Variants in CUBN observed in about 807,000 individuals in gnomAD.
CUBN encodes the protein 460 kDa receptor.
A neutral mutation model predicts 405.3 loss-of-function variants in CUBN; 282 were observed. The observed-to-expected ratio is 0.70, with a 90% CI of 0.63 to 0.77. CUBN has a LOEUF of 0.77. Ranked by LOEUF, CUBN falls within the 30% of genes least tolerant of loss-of-function variation. The pLI is 0.00. For missense variants in CUBN, 4,514 were observed against 4,475.2 expected, an observed-to-expected ratio of 1.01 and a Z score of -0.25; for synonymous variants, 1,684 against 1,617.0, an observed-to-expected ratio of 1.04 and a Z score of -0.99.
chr10:17,083,915 G>C (rs894231582), intron 17 of CUBN, among the ~76,000 whole-genome samples: 1 of 152,050 alleles, frequency 6.6e-6, no homozygotes, highest in Non-Finnish European at 1.5e-5. Flanking sequence ...TTCTGGAGGA[G>C]AGCAAGCAGA....
intron 17 of CUBN, among the ~76,000 whole-genome samples, chr10:17,083,516 A>AATAAATACATACATACATACATAC (rs59957943): frequency 0.079 from 11,273 of 142,556 alleles, 648 homozygotes; most frequent in East Asian, 0.17. Flanking sequence ...AAAATAAATA[A>AATAAATACATACATACATACATAC]ATACATACAT....
At position 17,045,075 on chromosome 10, in the gene CUBN, C is replaced by A. The variant is rs141740096; in HGVS notation, c.3604G>T (p.Ala1202Ser). 4.2e-4 allele frequency: 672 copies of A among 1,614,036 alleles called. 1 individual carries two copies. Among genetic ancestry groups the A allele is most frequent in the Middle Eastern group, 9.9e-4 (6 of 6,060 alleles). ...YWWLKSSHGS[A>S]FELEFKDFHL... Reference sequence around the variant, plus strand: ...AAGTCTTTGAATTCCAGTTCAAATGCGCTGCCGTGGCTAGATTTCAACCAC... The same window carrying A: ...AAGTCTTTGAATTCCAGTTCAAATGAGCTGCCGTGGCTAGATTTCAACCAC... Residue 1202 changes from alanine to serine, a missense_variant, in exon 25 of 67, where the codon GCA (alanine) becomes TCA (serine). By Grantham distance (99) the Ala-to-Ser change is moderately conservative (BLOSUM62 1). Transcript: ENST00000377833.
intron 60 of CUBN, among the ~76,000 whole-genome samples, chr10:16,848,019 G>A (rs747848306): frequency 1.1e-4 from 16 of 152,172 alleles, no homozygotes; most frequent in Admixed American, 5.9e-4. Context: ...AGTTGGAAAC[G>A]TTGCCAATGG....
chr10:17,095,039 T>C (rs769139690), intron 14 of CUBN, among the ~76,000 whole-genome samples: 2 of 152,040 alleles, frequency 1.3e-5, no homozygotes, highest in Non-Finnish European at 2.9e-5. Flanking sequence ...AACAGTATGG[T>C]ATTGGCATTA....
At chr10:16,831,450 C>G in intron 64 of CUBN, 33 bp from the exon 65 acceptor site, 1 of 1,567,558 alleles carries the variant, frequency 6.4e-7, no homozygotes, top group East Asian at 2.2e-5. Flanking sequence ...ATTAAACTTA[C>G]ACTTTCTTCT....
At chr10:17,013,966 T>G (rs1834256847) in intron 28 of CUBN, among the ~76,000 whole-genome samples, 1 of 152,212 alleles carries the variant, frequency 6.6e-6, no homozygotes, top group Non-Finnish European at 1.5e-5. Flanking sequence ...CATGCTCAAT[T>G]GGTTCCCCAT....
chr10:17,047,407 T>A lies in CUBN; in HGVS notation c.3329+7A>T, dbSNP rs1209538519. The A allele has an allele frequency of 6.3e-7, 1 of 1,592,316 alleles. No homozygotes were observed. The highest frequency in any genetic ancestry group is 1.3e-5 in the African/African-American group (1 of 74,548). On this transcript the variant is annotated splice_region_variant and intron_variant, in intron 23 of 66. Coordinates refer to ENST00000377833, the MANE Select transcript of CUBN (RefSeq NM_001081.4). Reference sequence around the variant, plus strand: ...AAGATTATAATGAAATAAATAAAAGTGCTGACCTGATTTCCAGAAAATCTG... The same window carrying A: ...AAGATTATAATGAAATAAATAAAAGAGCTGACCTGATTTCCAGAAAATCTG...
At chr10:17,038,537 C>T (rs770868399) in intron 27 of CUBN, among the ~76,000 whole-genome samples, 1 of 152,144 alleles carries the variant, frequency 6.6e-6, no homozygotes, top group Non-Finnish European at 1.5e-5. Context: ...CTGACCAGCA[C>T]GTAATTAAGT....
At chr10:16,898,641 T>C (rs1468916097) in intron 54 of CUBN, among the ~76,000 whole-genome samples, 1 of 152,182 alleles carries the variant, frequency 6.6e-6, no homozygotes, top group African/African-American at 2.4e-5. Context: ...ATTCCCATCA[T>C]TTTTACATGG....
intron 49 of CUBN, 142 bp downstream of exon 49, chr10:16,907,366 T>A: frequency 1.2e-6 from 1 of 822,024 alleles, no homozygotes; most frequent in East Asian, 2.6e-5. Context: ...GTTTTTCATC[T>A]GCTTATGTGT....
intron 31 of CUBN, 76 bp from the exon 32 acceptor site, chr10:16,954,624 C>T (rs1256818643): frequency 1.6e-5 from 24 of 1,457,520 alleles, no homozygotes; most frequent in Non-Finnish European, 2.2e-5. Flanking sequence ...ACTGTCTGCA[C>T]GCCGATATAC....
intron 28 of CUBN, among the ~76,000 whole-genome samples, chr10:17,008,846 G>A (rs1270898193): frequency 6.6e-6 from 1 of 152,100 alleles, no homozygotes. Context: ...CAGGCCTGCT[G>A]GTCTGAGTCA....
chr10:16,889,739 C>CAA (rs1212566335), intron 55 of CUBN, among the ~76,000 whole-genome samples: 1 of 137,978 alleles, frequency 7.2e-6, no homozygotes, highest in Non-Finnish European at 1.6e-5. Context: ...ACTAAAAATA[C>CAA]AAAAAAAAAA....
intron 27 of CUBN, among the ~76,000 whole-genome samples, chr10:17,021,459 G>A (rs556566903): frequency 4.6e-5 from 7 of 152,042 alleles, no homozygotes; most frequent in Non-Finnish European, 1.0e-4. Flanking sequence ...AGTTACCCTT[G>A]GGATAAGCTG....
At chr10:16,971,298 C>G (rs1832926150) in intron 31 of CUBN, among the ~76,000 whole-genome samples, 1 of 152,212 alleles carries the variant, frequency 6.6e-6, no homozygotes, top group South Asian at 2.1e-4. Context: ...CGTTTCCCGT[C>G]CAGTGTCCAT....
At chr10:17,064,053 G>A (rs1307134348) in intron 22 of CUBN, among the ~76,000 whole-genome samples, 4 of 152,208 alleles carry the variant, frequency 2.6e-5, no homozygotes, top group Non-Finnish European at 5.9e-5. Flanking sequence ...GTCACTGGAT[G>A]TTAACCACCT....
rs529621237 is a variant in CUBN at position 16,966,434 on chromosome 10, G to C, written c.4696-11886C>G. ...TCTAGTGTGGCCTCCTTCTCACCTGGACCCTTATGCTTTACTACATTTTTT... is the reference window on the plus strand; with the variant it reads ...TCTAGTGTGGCCTCCTTCTCACCTGCACCCTTATGCTTTACTACATTTTTT... On this transcript the variant is annotated intron_variant, in intron 31 of 66. Coordinates refer to ENST00000377833, the MANE Select transcript of CUBN (RefSeq NM_001081.4). 3.3e-5 allele frequency among the ~76,000 whole-genome samples: 5 copies of C among 149,942 alleles called. No homozygotes were observed. In the East Asian group the frequency reaches 5.9e-4, roughly 18 times the overall value.
chr10:17,047,104 T>A (rs2131821854), intron 23 of CUBN, among the ~76,000 whole-genome samples: 1 of 152,292 alleles, frequency 6.6e-6, no homozygotes, highest in South Asian at 2.1e-4. Flanking sequence ...TTAAAGTAGG[T>A]ATTCAACAGT....
chr10:16,852,872 G>C (rs902367815), intron 59 of CUBN, among the ~76,000 whole-genome samples: 3 of 152,152 alleles, frequency 2.0e-5, no homozygotes, highest in Non-Finnish European at 2.9e-5. Flanking sequence ...GTGATAGAAA[G>C]AGGCTGAGAG....
Sources: allele counts gnomAD v4.1 joint callset (sites outside exome capture counted in the v4.1 genomes callset), GRCh38; gene constraint gnomAD v4.1.1; transcripts MANE v1.5; gene names NCBI Gene and HGNC (gene_info 2026-07-23, HGNC 2026-07-21).